The following OTOP1 variants were observed in gnomAD, a reference collection of about 807,000 sequenced individuals.
The protein encoded by OTOP1 is proton channel OTOP1.
OTOP1 carries 59 observed loss-of-function variants against 52.9 expected under a neutral mutation model. The ratio of observed to expected loss-of-function variants is 1.12; its 90% CI spans 0.91 to 1.39. The LOEUF (loss-of-function observed/expected upper bound fraction) is 1.39, where lower values mean the gene tolerates loss of function less well. OTOP1 is among the 40% of genes most tolerant of loss of function. The probability of loss-of-function intolerance (pLI) is 0.00; values close to 1 mark genes in which losing one functional copy is unlikely to be tolerated. For missense variants in OTOP1, 761 were observed against 800.9 expected, an observed-to-expected ratio of 0.95 and a Z score of 0.60; for synonymous variants, 317 against 337.7, an observed-to-expected ratio of 0.94 and a Z score of 0.67.
chr4:4,212,045 C>A (rs1444360357), intron 2 of OTOP1, among the ~76,000 whole-genome samples: 1 of 152,060 alleles, frequency 6.6e-6, no homozygotes, highest in Admixed American at 6.6e-5. Context: ...CTGTAGTAAT[C>A]ACTTCACTAT....
In OTOP1 at chr4:4,226,468, G is replaced by C; in HGVS notation, c.397C>G (p.Leu133Val). The stretch of plus-strand genomic sequence containing the variant: ...GCCCGGCGCCTGGACTCACCGCGCA[G>C]CCAGCCGGCACCCGCGTGCGTGTCC... The part of the protein sequence containing the change: ...LKDTHAGAGW[L>V]RGSITLFAVI... Residue 133 changes from leucine (L) to valine (V), a missense_variant, in exon 1 of 6, where the codon CTG (leucine) becomes GTG (valine). Coordinates refer to ENST00000296358, the MANE Select transcript of OTOP1 (RefSeq NM_177998.3). 6.7e-7 allele frequency: 1 copy of C among 1,498,070 alleles called. No individual in the cohort carries two copies. Among genetic ancestry groups the C allele is most frequent in the Non-Finnish European group, 8.8e-7 (1 of 1,131,046 alleles). 92.8% of individuals were successfully genotyped at this position (1,498,070 alleles called of 1,614,324 possible).
intron 1 of OTOP1, among the ~76,000 whole-genome samples, chr4:4,219,844 T>TATAC (rs1560211295): frequency 6.8e-6 from 1 of 147,052 alleles, no homozygotes; most frequent in Non-Finnish European, 1.5e-5. Context: ...TACATATATA[T>TATAC]ACACATATAC....
intron 3 of OTOP1, among the ~76,000 whole-genome samples, chr4:4,205,330 G>C (rs1458558835): frequency 2.0e-5 from 3 of 152,146 alleles, no homozygotes; most frequent in Non-Finnish European, 4.4e-5. Context: ...ATTATCAAGC[G>C]GCAGAAGGTT....
chr4:4,194,874 T>A (rs1377112448), intron 5 of OTOP1, among the ~76,000 whole-genome samples: 1 of 152,142 alleles, frequency 6.6e-6, no homozygotes, highest in Non-Finnish European at 1.5e-5. Flanking sequence ...TATGTGTCTT[T>A]AAAAAAATCC....
intron 1 of OTOP1, among the ~76,000 whole-genome samples, chr4:4,222,942 C>T (rs1717333386): frequency 1.3e-5 from 2 of 152,184 alleles, no homozygotes; most frequent in Admixed American, 1.3e-4. Flanking sequence ...CTCAACATCC[C>T]CCAGCTCCTC....
At chr4:4,215,946 C>A (rs1717138137) in intron 1 of OTOP1, among the ~76,000 whole-genome samples, 1 of 151,936 alleles carries the variant, frequency 6.6e-6, no homozygotes. Flanking sequence ...TACAGGCGTG[C>A]ACCACCATGC....
At chr4:4,217,271 T>G (rs773901177) in intron 1 of OTOP1, among the ~76,000 whole-genome samples, 2 of 152,154 alleles carry the variant, frequency 1.3e-5, no homozygotes, top group Non-Finnish European at 2.9e-5. Flanking sequence ...GAGATTGCTG[T>G]AGAAACAAAA....
At chr4:4,211,328 C>T (rs1195862657) in intron 2 of OTOP1, among the ~76,000 whole-genome samples, 1 of 152,172 alleles carries the variant, frequency 6.6e-6, no homozygotes, top group South Asian at 2.1e-4. Context: ...CCAGCAATGG[C>T]AGTATCACTA....
intron 1 of OTOP1, among the ~76,000 whole-genome samples, chr4:4,218,154 G>A (rs771891566): frequency 5.3e-5 from 8 of 152,090 alleles, no homozygotes; most frequent in Non-Finnish European, 7.4e-5. Context: ...TGCTTTGGGA[G>A]GCCGAGGCAG....
intron 1 of OTOP1, among the ~76,000 whole-genome samples, chr4:4,215,455 A>G (rs1436434691): frequency 6.6e-6 from 1 of 152,092 alleles, no homozygotes; most frequent in East Asian, 1.9e-4. Context: ...TGAGGTTGGG[A>G]GTTCGAGAGC....
chr4:4,202,697 C>T, intron 3 of OTOP1, 119 bp from the exon 4 acceptor site: 3 of 1,347,464 alleles, frequency 2.2e-6, no homozygotes, highest in Non-Finnish European at 3.1e-6. Flanking sequence ...TCTGGTTTCA[C>T]CTGGCAGTTC....
At position 4,198,027 on chromosome 4, in the gene OTOP1, G is replaced by T. The variant is rs530747449; in HGVS notation, c.807C>A (p.Tyr269Ter). Residue 269 changes from tyrosine to a stop codon, truncating the protein, a stop_gained, in exon 5 of 6, where the codon TAC (tyrosine) becomes TAA (stop). Coordinates refer to ENST00000296358, the MANE Select transcript of OTOP1 (RefSeq NM_177998.3). LOFTEE classifies it high-confidence loss of function. ...GATACTCTATGTTGAAGGGGTAGAG[G>T]TAGTAGATCCCGTGGGAGATGGCAG... ...LCTAISHGIY[Y>*]LYPFNIEYQI... 1.9e-6 allele frequency: 3 copies of T among 1,614,110 alleles called. No homozygotes were observed. Among genetic ancestry groups the T allele is most frequent in the Admixed American group, 3.3e-5 (2 of 60,022 alleles).
At chr4:4,220,412 A>G (rs558902081) in intron 1 of OTOP1, among the ~76,000 whole-genome samples, 2 of 152,266 alleles carry the variant, frequency 1.3e-5, no homozygotes, top group South Asian at 4.1e-4. Flanking sequence ...TGTCTGTGGA[A>G]TATTGACAAA....
rs774565928 is a variant in OTOP1, at chr4:4,197,532, C to T, written c.1302G>A (p.Val434=). 3 of 1,613,910 alleles carry T rather than the reference C, an allele frequency of 1.9e-6. No homozygotes were observed. The Admixed American group carries it at 5.0e-5, about 27-fold the overall frequency. Residue 434 remains valine, a synonymous_variant, in exon 5 of 6, where the codon GTG becomes GTA. Transcript: ENST00000296358. The part of the protein sequence containing the change: ...YNLPYSILAI[V]EKYIQNLFIF... ...TGAAGAGGTTCTGGATGTACTTCTCCACGATCGCCAGGATGGAGTAGGGCA... is the reference window on the plus strand; with the variant it reads ...TGAAGAGGTTCTGGATGTACTTCTCTACGATCGCCAGGATGGAGTAGGGCA...
chr4:4,204,005 G>A (rs1356711171), intron 3 of OTOP1, among the ~76,000 whole-genome samples: 1 of 152,194 alleles, frequency 6.6e-6, no homozygotes, highest in East Asian at 1.9e-4. Flanking sequence ...GAGCTAGAGG[G>A]ATGAAAATTT....
At chr4:4,191,138 G>A (rs914962399) in intron 5 of OTOP1, among the ~76,000 whole-genome samples, 1 of 152,100 alleles carries the variant, frequency 6.6e-6, no homozygotes, top group African/African-American at 2.4e-5. Context: ...GGCTCCAGGT[G>A]TCATCCTTAT....
At chr4:4,213,967 A>G (rs551182266) in intron 1 of OTOP1, among the ~76,000 whole-genome samples, 6 of 152,212 alleles carry the variant, frequency 3.9e-5, no homozygotes, top group South Asian at 2.1e-4. Flanking sequence ...GTGCATGCCT[A>G]TAATCCCAGC....
At position 4,189,117 on chromosome 4, in the gene OTOP1, T is replaced by A. The variant is rs908233411; in HGVS notation, c.1669-144A>T. 4 of 700,862 alleles carry A rather than the reference T, an allele frequency of 5.7e-6. No homozygotes were observed. In the Admixed American group the frequency reaches 9.4e-5, roughly 16 times the overall value. 43.4% of individuals were successfully genotyped at this position (700,862 alleles called of 1,614,324 possible). On this transcript the variant is annotated intron_variant, in intron 5 of 5. Transcript: ENST00000296358. ...CTGACAGAACAATAAGGAGACCTCA[T>A]GGCATTTCCCATCTCCACAGAAACC...
chr4:4,191,400 G>T (rs1162646816), intron 5 of OTOP1, among the ~76,000 whole-genome samples: 1 of 151,418 alleles, frequency 6.6e-6, no homozygotes, highest in African/African-American at 2.4e-5. Context: ...AACCCCCAAA[G>T]TCTTCCCAAA....
Sources: gnomAD v4.1 joint callset for allele counts (sites outside exome capture counted in the v4.1 genomes callset) on GRCh38, gnomAD v4.1.1 for gene constraint, MANE v1.5 for transcripts, NCBI Gene and HGNC (gene_info 2026-07-23, HGNC 2026-07-21) for gene names.